The following AKAP13 variants were observed in gnomAD, a reference collection of about 807,000 sequenced individuals.
The protein encoded by AKAP13 is A-kinase anchor protein 13.
Under a neutral mutation model 264.5 loss-of-function variants are expected in AKAP13, and 80 were observed. The ratio of observed to expected loss-of-function variants is 0.30; its 90% CI spans 0.25 to 0.36. The LOEUF (loss-of-function observed/expected upper bound fraction) is 0.36. Among genes scored for constraint, AKAP13 ranks in the 10% least tolerant of loss-of-function variants. The pLI is 1.00. For synonymous variants in AKAP13, 1,380 were observed against 1,250.2 expected, an observed-to-expected ratio of 1.10 and a Z score of -2.19; for missense variants, 3,712 against 3,435.2, an observed-to-expected ratio of 1.08 and a Z score of -2.01.
In AKAP13 at chr15:85,581,731, A is replaced by G. The variant is rs1210599223; in HGVS notation, c.3663A>G (p.Ser1221=). ...GVREVMRAPP[S]GRERSTPSLP... is the part of the protein sequence containing the mutation. Reference sequence around the variant, plus strand: ...GGGAAGTCATGCGAGCCCCGCCTTCAGGCAGGGAAAGGAGCACTCCCTCTC... The same window carrying G: ...GGGAAGTCATGCGAGCCCCGCCTTCGGGCAGGGAAAGGAGCACTCCCTCTC... Residue 1221 remains serine, a synonymous_variant, in exon 7 of 37, where the codon TCA becomes TCG. Transcript: ENST00000394518. The G allele has an allele frequency of 1.9e-6, 3 of 1,614,190 alleles. No individual in the cohort carries two copies. Among genetic ancestry groups the G allele is most frequent in the Non-Finnish European group, 8.5e-7 (1 of 1,180,020 alleles).
chr15:85,492,024 C>G (rs749622062), intron 2 of AKAP13, among the ~76,000 whole-genome samples: 1 of 152,178 alleles, frequency 6.6e-6, no homozygotes, highest in African/African-American at 2.4e-5. Flanking sequence ...GAAATGGTTA[C>G]TCTGAAATTC....
At chr15:85,422,534 A>G (rs925589333) in intron 1 of AKAP13, among the ~76,000 whole-genome samples, 1 of 152,242 alleles carries the variant, frequency 6.6e-6, no homozygotes, top group African/African-American at 2.4e-5. Context: ...TAATTTGAAC[A>G]GAGGTTTTTT....
At chr15:85,643,325 G>C (rs970055375) in intron 9 of AKAP13, among the ~76,000 whole-genome samples, 1 of 151,734 alleles carries the variant, frequency 6.6e-6, no homozygotes, top group Non-Finnish European at 1.5e-5. Flanking sequence ...CCAGTATTTA[G>C]CCAGATGCTT....
rs1440030608 is a variant in AKAP13 at position 85,743,788 on chromosome 15, A to G, written c.8355A>G (p.Lys2785=). The change falls in exon 36 of 37, where the codon AAA becomes AAG. Residue 2785 remains lysine (K), a synonymous_variant. Transcript: ENST00000394518. The part of the protein sequence containing the change: ...GLTKPKEKKE[K]KKKNKTSRSQ... ...CAAAGCCAAAGGAAAAGAAGGAGAA[A>G]AAAAAGAAGAACAAAACCAGCCGCT... 6.2e-7 allele frequency: 1 copy of G among 1,612,396 alleles called. No individual in the cohort carries two copies. The highest frequency in any genetic ancestry group is 8.5e-7 in the Non-Finnish European group (1 of 1,179,360).
chr15:85,674,706 G>C (rs537551842), intron 14 of AKAP13, among the ~76,000 whole-genome samples: 5 of 152,140 alleles, frequency 3.3e-5, no homozygotes, highest in Non-Finnish European at 7.4e-5. Context: ...TAAAGGATCT[G>C]TGTGACCAAA....
chr15:85,561,981 T>G (rs1248003656), intron 5 of AKAP13, among the ~76,000 whole-genome samples: 1 of 152,240 alleles, frequency 6.6e-6, no homozygotes, highest in African/African-American at 2.4e-5. Flanking sequence ...GGTTTGTGTT[T>G]TGGTTTAGAT....
At chr15:85,424,238 A>C (rs2880853) in intron 1 of AKAP13, among the ~76,000 whole-genome samples, 130 of 152,356 alleles carry the variant, frequency 8.5e-4, no homozygotes, top group Admixed American at 1.4e-3. Flanking sequence ...GTCTTCTTCC[A>C]GTATAAGGCT....
chr15:85,684,629 G>A, intron 15 of AKAP13, 112 bp from the exon 16 acceptor site: 1 of 1,128,238 alleles, frequency 8.9e-7, no homozygotes, highest in Non-Finnish European at 1.2e-6. Context: ...GGGCGTTGTG[G>A]CATACTCTAT....
At chr15:85,561,414 TA>T (rs1254030218) in intron 5 of AKAP13, among the ~76,000 whole-genome samples, 1 of 152,230 alleles carries the variant, frequency 6.6e-6, no homozygotes, top group Non-Finnish European at 1.5e-5. Context: ...CAGCTAAGGT[TA>T]AAAGGTTACT....
rs1330473262 is a variant in AKAP13, at chr15:85,513,843, G to A, written c.34-7585G>A. 5.6e-5 allele frequency among the ~76,000 whole-genome samples: 5 copies of A among 89,000 alleles called. 1 individual carries two copies. The highest frequency in any genetic ancestry group is 2.8e-4 in the African/African-American group (5 of 17,874). 58.4% of individuals were successfully genotyped at this position (89,000 alleles called of 152,430 possible). A position where few individuals can be genotyped will look rare whatever the true frequency, so the allele number is the denominator to read the frequency against. ...AATAGACTGTTTCTCATTGTCCGAC[G>A]TTTCCTTGTGATTAGGTTGAGGGCT... On this transcript the variant is annotated intron_variant, in intron 2 of 36. Coordinates refer to ENST00000394518, the MANE Select transcript of AKAP13 (RefSeq NM_007200.5).
At chr15:85,649,878 G>A (rs1347472481) in intron 10 of AKAP13, among the ~76,000 whole-genome samples, 1 of 152,078 alleles carries the variant, frequency 6.6e-6, no homozygotes, top group Non-Finnish European at 1.5e-5. Context: ...TATCCAAAAG[G>A]ATAATTAAAG....
intron 1 of AKAP13, among the ~76,000 whole-genome samples, chr15:85,433,765 A>ATTTC (rs1261665444): frequency 6.6e-6 from 1 of 151,502 alleles, no homozygotes; most frequent in African/African-American, 2.4e-5. Context: ...AACATGGTGA[A>ATTTC]ACCCCTCTCT....
At chr15:85,462,071 G>T (rs2074541512) in intron 1 of AKAP13, among the ~76,000 whole-genome samples, 1 of 152,124 alleles carries the variant, frequency 6.6e-6, no homozygotes, top group South Asian at 2.1e-4. Context: ...GAAGACACTA[G>T]AGAGTAACCA....
At chr15:85,439,158 A>C (rs1243095748) in intron 1 of AKAP13, among the ~76,000 whole-genome samples, 5 of 152,128 alleles carry the variant, frequency 3.3e-5, no homozygotes, top group Non-Finnish European at 7.3e-5. Context: ...AAGTGGGCGA[A>C]GGACATGAAC....
At chr15:85,714,756 C>T (rs1340651586) in intron 19 of AKAP13, among the ~76,000 whole-genome samples, 1 of 152,164 alleles carries the variant, frequency 6.6e-6, no homozygotes, top group Admixed American at 6.5e-5. Context: ...ATCATGAGGT[C>T]AGGAGTTTGA....
chr15:85,491,496 T>TA (rs56291724), intron 2 of AKAP13, among the ~76,000 whole-genome samples: 68,790 of 141,572 alleles, frequency 0.49, 17,406 homozygotes, highest in Middle Eastern at 0.57. Context: ...TTTATATATA[T>TA]TTATTATATA....
rs35793117 is a variant in AKAP13, at chr15:85,459,372, T to A, written c.-11-26338T>A. 4.3e-5 allele frequency among the ~76,000 whole-genome samples: 6 copies of A among 138,384 alleles called. No homozygotes were observed. In the South Asian group the frequency reaches 1.4e-3, roughly 31 times the overall value. The allele number at this position is 138,384 out of a possible 152,430, so 90.8% of individuals were successfully genotyped here. A position where few individuals can be genotyped will look rare whatever the true frequency, so the allele number is the denominator to read the frequency against. On this transcript the variant is annotated intron_variant, in intron 1 of 36. Transcript: ENST00000394518. ...GGCTAATTTTTTTTTTTTTTTTTTG[T>A]ATTTTTAGTAGAGATGGGGTTTCAT...
intron 2 of AKAP13, among the ~76,000 whole-genome samples, chr15:85,496,714 C>CT (rs2075882220): frequency 6.6e-6 from 1 of 152,176 alleles, no homozygotes. Flanking sequence ...TACAAAGAGC[C>CT]TTATCAGCCT....
rs374325087 is a variant in AKAP13, at chr15:85,617,231, G to T, written c.4162-22143G>T. Among the ~76,000 whole-genome samples the T allele has an allele frequency of 3.6e-4, 50 of 138,870 alleles. No homozygotes were observed. In the East Asian group the frequency reaches 0.01, roughly 29 times the overall value. 91.1% of individuals were successfully genotyped at this position (138,870 alleles called of 152,430 possible). A position where few individuals can be genotyped will look rare whatever the true frequency, so the allele number is the denominator to read the frequency against. The stretch of plus-strand genomic sequence containing the variant: ...AGGGATAGGGTAGAAAAGCTTTTTT[G>T]TTGTTGTTGTTGTTTTTGTTTTTTG... On this transcript the variant is annotated intron_variant, in intron 8 of 36. Coordinates refer to ENST00000394518, the MANE Select transcript of AKAP13 (RefSeq NM_007200.5).
Sources: allele counts gnomAD v4.1 joint callset (sites outside exome capture counted in the v4.1 genomes callset), GRCh38; gene constraint gnomAD v4.1.1; transcripts MANE v1.5; gene names NCBI Gene and HGNC (gene_info 2026-07-23, HGNC 2026-07-21).